PCAT7: variants seen among roughly 807,000 people sequenced by gnomAD.
The protein encoded by PCAT7 is prostate cancer associated transcript 7 (non-protein coding).
At chr9:94,568,798 C>G (rs1001075149) in intron 2 of PCAT7, 3 of 152,208 alleles carry the variant, frequency 2.0e-5, no homozygotes, top group Non-Finnish European at 4.4e-5. Flanking sequence ...TTCAATCTCT[C>G]TGCCTCCTAG....
chr9:94,567,661 T>G lies in PCAT7; in HGVS notation n.442-5318T>G, dbSNP rs995015535. ...AATTCTAAGGAAGCAGCCCATAGTC[T>G]TCTTTCTTTTCCTGTGCATCTTCCA... On this transcript the variant is annotated intron_variant and non_coding_transcript_variant, in intron 2 of 8. Transcript: ENST00000647389. The G allele has an allele frequency of 1.3e-4, 55 of 426,818 alleles. No individual in the cohort carries two copies. In the South Asian group the frequency reaches 2.2e-3, roughly 17 times the overall value. The allele number at this position is 426,818 out of a possible 1,614,324, so 26.4% of individuals were successfully genotyped here. A position where few individuals can be genotyped will look rare whatever the true frequency, so the allele number is the denominator to read the frequency against.
rs1034900556 is a variant in PCAT7 at position 94,561,654 on chromosome 9, C to T, written n.441+2502C>T. ...TACTAGGATTACAGGCGTGAGCCAC[C>T]GCAGCCAGCCATGACCTGTACTTTC... On this transcript the variant is annotated intron_variant and non_coding_transcript_variant, in intron 2 of 8. Transcript: ENST00000647389. Among the ~76,000 whole-genome samples the T allele has an allele frequency of 3.9e-5, 6 of 151,960 alleles. No individual in the cohort carries two copies. The East Asian group carries it at 5.8e-4, about 15-fold the overall frequency.
chr9:94,559,821 A>G (rs1827067585), intron 2 of PCAT7, among the ~76,000 whole-genome samples: 1 of 152,010 alleles, frequency 6.6e-6, no homozygotes, highest in South Asian at 2.1e-4. Context: ...TCACTGTACT[A>G]TCTGTATTCT....
intron 2 of PCAT7, among the ~76,000 whole-genome samples, chr9:94,559,566 G>C (rs972361517): frequency 6.6e-6 from 1 of 150,438 alleles, no homozygotes; most frequent in South Asian, 2.1e-4. Context: ...TGACCATGCC[G>C]GCTTGTCTCT....
chr9:94,562,494 CTAT>C (rs1827123912), intron 2 of PCAT7, among the ~76,000 whole-genome samples: 1 of 152,004 alleles, frequency 6.6e-6, no homozygotes, highest in African/African-American at 2.4e-5. Context: ...ATACACCAAC[CTAT>C]TAAAATCTCT....
At chr9:94,556,152 A>AG (rs763217059) in intron 1 of PCAT7, among the ~76,000 whole-genome samples, 20 of 150,252 alleles carry the variant, frequency 1.3e-4, no homozygotes, top group Non-Finnish European at 2.5e-4. Flanking sequence ...GGGTAGATAA[A>AG]GGGGGAAAAG....
chr9:94,563,224 G>GCCCATC, intron 2 of PCAT7: 2 of 1,168,576 alleles, frequency 1.7e-6, no homozygotes, highest in Non-Finnish European at 2.4e-6. Flanking sequence ...TTCCTCCCCT[G>GCCCATC]CCCATCCCCA....
chr9:94,561,671 T>C (rs1827106573), intron 2 of PCAT7, among the ~76,000 whole-genome samples: 1 of 151,772 alleles, frequency 6.6e-6, no homozygotes, highest in Non-Finnish European at 1.5e-5. Flanking sequence ...AGCCATGACC[T>C]GTACTTTCTC....
In PCAT7 at chr9:94,567,140, A is replaced by G. The variant is rs959014967; in HGVS notation, n.442-5839A>G. 2.7e-5 allele frequency: 23 copies of G among 855,570 alleles called. No individual in the cohort carries two copies. The African/African-American group carries it at 3.6e-4, about 13-fold the overall frequency. The allele number at this position is 855,570 out of a possible 1,614,324, so 53.0% of individuals were successfully genotyped here. A position where few individuals can be genotyped will look rare whatever the true frequency, so the allele number is the denominator to read the frequency against. ...CTTATGAAGAAAGGCAGAGTCCATC[A>G]TCTTCATACTGACCACAGCCATAAA... On this transcript the variant is annotated intron_variant and non_coding_transcript_variant, in intron 2 of 8. Transcript: ENST00000647389.
At chr9:94,561,221 C>G (rs1057300474) in intron 2 of PCAT7, among the ~76,000 whole-genome samples, 15 of 152,292 alleles carry the variant, frequency 9.8e-5, no homozygotes, top group African/African-American at 3.6e-4. Context: ...GCATTAGTAC[C>G]TAATGCGCTT....
chr9:94,558,948 G>T (rs1029786791), intron 1 of PCAT7: 6 of 1,614,040 alleles, frequency 3.7e-6, no homozygotes, highest in Non-Finnish European at 5.1e-6. Context: ...CTAGCTGCCT[G>T]CCTGATTTTT....
At chr9:94,571,936 C>G (rs1300735976) in intron 2 of PCAT7, among the ~76,000 whole-genome samples, 1 of 152,182 alleles carries the variant, frequency 6.6e-6, no homozygotes, top group Non-Finnish European at 1.5e-5. Context: ...ACTCAGATCA[C>G]TGAGCTGAGC....
intron 2 of PCAT7, among the ~76,000 whole-genome samples, chr9:94,560,189 G>A (rs918122142): frequency 6.6e-6 from 1 of 152,194 alleles, no homozygotes; most frequent in African/African-American, 2.4e-5. Flanking sequence ...GCCGAGGGCA[G>A]AAACTGGGTT....
intron 2 of PCAT7, chr9:94,568,293 G>C (rs1827222986): frequency 6.6e-6 from 1 of 152,150 alleles, no homozygotes; most frequent in Non-Finnish European, 1.5e-5. Context: ...AAAATCTAAA[G>C]GAATCCTCAG....
intron 2 of PCAT7, chr9:94,567,406 G>T (rs768240058): frequency 6.2e-7 from 1 of 1,613,948 alleles, no homozygotes. Flanking sequence ...TTCACCAAGA[G>T]CCTAGCAACA....
upstream of PCAT7, among the ~76,000 whole-genome samples, chr9:94,554,801 G>C (rs892506275): frequency 2.6e-5 from 4 of 152,170 alleles, no homozygotes; most frequent in African/African-American, 9.7e-5. Context: ...CAAGCTCCAG[G>C]CTCCAGGGGG....
intron 1 of PCAT7, chr9:94,558,874 G>C (rs769161217): frequency 6.8e-7 from 1 of 1,460,032 alleles, no homozygotes; most frequent in Non-Finnish European, 9.6e-7. Context: ...TCTGTTTATC[G>C]TTCATTTAGG....
At chr9:94,555,403 C>T (rs1478963358) in intron 1 of PCAT7, 1 of 151,518 alleles carries the variant, frequency 6.6e-6, no homozygotes, top group African/African-American at 2.4e-5. Context: ...GAGGAGAAGG[C>T]GTTGCAAAAA....
chr9:94,560,495 T>G (rs1411683038), intron 2 of PCAT7, among the ~76,000 whole-genome samples: 1 of 152,114 alleles, frequency 6.6e-6, no homozygotes, highest in Non-Finnish European at 1.5e-5. Flanking sequence ...TGACTCAGTA[T>G]CATCTTCTTC....
Sources: allele counts gnomAD v4.1 joint callset (sites outside exome capture counted in the v4.1 genomes callset), GRCh38; gene constraint gnomAD v4.1.1; transcripts MANE v1.5; gene names NCBI Gene and HGNC (gene_info 2026-07-23, HGNC 2026-07-21).